PLVAP: variants seen among roughly 807,000 people sequenced by gnomAD.
The protein encoded by PLVAP is plasmalemma vesicle-associated protein.
Under a neutral mutation model 43.1 loss-of-function variants are expected in PLVAP, and 34 were observed. The observed-to-expected ratio is 0.79, with a 90% CI of 0.60 to 1.05. The LOEUF (loss-of-function observed/expected upper bound fraction) is 1.05, where lower values mean the gene tolerates loss of function less well. PLVAP is among the 50% of genes least tolerant of loss of function. The pLI is 0.00. For synonymous variants in PLVAP, 241 were observed against 237.3 expected (o/e 1.02, Z -0.14); for missense variants, 574 against 593.4 (o/e 0.97, Z 0.34).
intron 3 of PLVAP, among the ~76,000 whole-genome samples, chr19:17,363,544 C>T (rs1022585800): frequency 3.7e-5 from 5 of 135,010 alleles, no homozygotes; most frequent in African/African-American, 1.4e-4. Flanking sequence ...TTAACCCCTT[C>T]CCCCCTCCCT....
At position 17,371,357 on chromosome 19, in the gene PLVAP, C is replaced by T. The variant is rs953136414; in HGVS notation, c.370-5162G>A. On this transcript the variant is annotated intron_variant, in intron 1 of 5. Coordinates refer to ENST00000252590, the MANE Select transcript of PLVAP (RefSeq NM_031310.3). ...TTGTATTTTAGTAGAGACGGGGTTGCACCATGTTAGCCAGGTGGTTTCGAA... is the reference window on the plus strand; with the variant it reads ...TTGTATTTTAGTAGAGACGGGGTTGTACCATGTTAGCCAGGTGGTTTCGAA... 2.0e-4 allele frequency among the ~76,000 whole-genome samples: 30 copies of T among 151,802 alleles called. No homozygotes were observed. The East Asian group carries it at 5.9e-3, about 30-fold the overall frequency.
chr19:17,367,549 C>T (rs924816294), intron 1 of PLVAP, among the ~76,000 whole-genome samples: 4 of 152,010 alleles, frequency 2.6e-5, no homozygotes, highest in Non-Finnish European at 2.9e-5. Flanking sequence ...CCACAACACC[C>T]GGCTAATCTT....
chr19:17,363,731 C>T (rs1437105638), intron 3 of PLVAP, among the ~76,000 whole-genome samples: 3 of 138,964 alleles, frequency 2.2e-5, no homozygotes, highest in Admixed American at 7.9e-5. Context: ...TGTGCCACCA[C>T]ACCCGGCTAA....
intron 1 of PLVAP, among the ~76,000 whole-genome samples, chr19:17,371,010 C>T (rs182159492): frequency 0.085 from 12,898 of 151,082 alleles, 665 homozygotes; most frequent in African/African-American, 0.14. Context: ...GAGCTGAGAT[C>T]GCGCCACTGC....
Position 17,366,013 on chromosome 19 carries a change from A to T in PLVAP, c.467-15T>A. The T allele has an allele frequency of 1.2e-6, 2 of 1,611,790 alleles. No homozygotes were observed. The highest frequency in any genetic ancestry group is 1.7e-4 in the Middle Eastern group (1 of 6,050). ...GAAGAGCAAGGCTAAGGAAAACAGG[A>T]CCAGGAGACCCAGGAAGATTGGGGG... is the stretch of plus-strand genomic sequence containing the variant. On this transcript the variant is annotated splice_polypyrimidine_tract_variant and intron_variant, in intron 2 of 5. Coordinates refer to ENST00000252590, the MANE Select transcript of PLVAP (RefSeq NM_031310.3).
At chr19:17,357,596 C>T (rs1446243165) in intron 5 of PLVAP, among the ~76,000 whole-genome samples, 4 of 151,282 alleles carry the variant, frequency 2.6e-5, no homozygotes, top group East Asian at 2.0e-4. Context: ...CCCAGGAGTT[C>T]GAGGCTGCAG....
At chr19:17,367,559 T>C (rs1053562899) in intron 1 of PLVAP, among the ~76,000 whole-genome samples, 4 of 152,008 alleles carry the variant, frequency 2.6e-5, no homozygotes, top group Non-Finnish European at 4.4e-5. Context: ...CGGCTAATCT[T>C]TGCATTTTTA....
chr19:17,357,727 A>G (rs1033802839), intron 5 of PLVAP, among the ~76,000 whole-genome samples: 2 of 152,232 alleles, frequency 1.3e-5, no homozygotes, highest in South Asian at 2.1e-4. Flanking sequence ...CAGTTAACCC[A>G]GAGCAGACAG....
intron 5 of PLVAP, among the ~76,000 whole-genome samples, chr19:17,353,311 G>A (rs764306870): frequency 2.0e-5 from 3 of 152,170 alleles, no homozygotes; most frequent in Non-Finnish European, 4.4e-5. Context: ...CTTGAACTGG[G>A]TCAATGCACA....
intron 5 of PLVAP, among the ~76,000 whole-genome samples, chr19:17,356,066 T>C (rs1599571175): frequency 6.6e-6 from 1 of 151,932 alleles, no homozygotes; most frequent in Non-Finnish European, 1.5e-5. Context: ...CCCAGAACTT[T>C]GGGAGGCCAA....
At chr19:17,369,125 T>C (rs1285499059) in intron 1 of PLVAP, among the ~76,000 whole-genome samples, 2 of 152,002 alleles carry the variant, frequency 1.3e-5, no homozygotes, top group Non-Finnish European at 2.9e-5. Flanking sequence ...TTAATACAAA[T>C]GCTAACACCA....
Position 17,351,781 on chromosome 19 carries a change from A to G in PLVAP, c.*581T>C, listed in dbSNP as rs1427970219. The G allele has an allele frequency of 6.5e-6, 1 of 153,194 alleles. No homozygotes were observed. The highest frequency in any genetic ancestry group is 2.4e-5 in the African/African-American group (1 of 41,434). 9.5% of individuals were successfully genotyped at this position (153,194 alleles called of 1,614,324 possible). On this transcript the variant is annotated 3_prime_UTR_variant, in exon 6 of 6. Transcript: ENST00000252590. ...TGGCCCGTGTGCCAGGGTCGGGGGA[A>G]CGTGACACTAGGTGAGAATTGGGTA...
chr19:17,372,707 C>T (rs1362019348), intron 1 of PLVAP, among the ~76,000 whole-genome samples: 2 of 150,858 alleles, frequency 1.3e-5, no homozygotes, highest in Middle Eastern at 3.4e-3. Context: ...CCACCCACCT[C>T]GGCCTCCCGA....
Position 17,359,710 on chromosome 19 carries a change from T to C in PLVAP, c.1322+818A>G, listed in dbSNP as rs1289504098. On this transcript the variant is annotated intron_variant, in intron 5 of 5. Coordinates refer to ENST00000252590, the MANE Select transcript of PLVAP (RefSeq NM_031310.3). ...CCCGGCCTCTTTTTTTTTTTTTTTT[T>C]CTGACACAGTCTCACTCTGTCGTCC... 5.9e-4 allele frequency among the ~76,000 whole-genome samples: 86 copies of C among 145,802 alleles called. 1 individual carries two copies. Among genetic ancestry groups the C allele is most frequent in the Admixed American group, 2.0e-4 (3 of 14,638 alleles).
chr19:17,361,829 G>T (rs2074529623), intron 3 of PLVAP, among the ~76,000 whole-genome samples: 1 of 152,068 alleles, frequency 6.6e-6, no homozygotes, highest in Non-Finnish European at 1.5e-5. Context: ...CAACACTTTG[G>T]GAAGCCGAGG....
chr19:17,372,680 TCTC>T (rs1410958921), intron 1 of PLVAP, among the ~76,000 whole-genome samples: 2 of 150,510 alleles, frequency 1.3e-5, no homozygotes, highest in African/African-American at 4.8e-5. Flanking sequence ...ATGGTCTCGA[TCTC>T]CTGACCTAGT....
Position 17,372,948 on chromosome 19 carries a change from C to T in PLVAP, c.369+3972G>A, listed in dbSNP as rs142959771. ...GGGCATGTTGGCGGGCACCTGTAGA[C>T]CCAGCTACTCGGGAGGCTAAGGCAG... On this transcript the variant is annotated intron_variant, in intron 1 of 5. Coordinates refer to ENST00000252590, the MANE Select transcript of PLVAP (RefSeq NM_031310.3). Among the ~76,000 whole-genome samples, 656 of 150,480 alleles carry T rather than the reference C, an allele frequency of 4.4e-3. 2 individuals carry two copies. Among genetic ancestry groups the T allele is most frequent in the African/African-American group, 0.014 (589 of 41,216 alleles).
At chr19:17,373,065 CAAAAAAAAAAAAAAAAAA>C (rs59152541) in intron 1 of PLVAP, among the ~76,000 whole-genome samples, 2 of 45,676 alleles carry the variant, frequency 4.4e-5, no homozygotes, top group East Asian at 8.2e-4. Flanking sequence ...GACTCTGTCT[CAAAAAAAAAAAAAAAAAA>C]AAAAAAAAAA....
rs1386352733 is a variant in PLVAP at position 17,356,501 on chromosome 19, G to A, written c.1322+4027C>T. ...TTTAAACTAAACACTATATTAATGA[G>A]AATTTTATTTTTTCTCTCTTAGAGA... On this transcript the variant is annotated intron_variant, in intron 5 of 5. Coordinates refer to ENST00000252590, the MANE Select transcript of PLVAP (RefSeq NM_031310.3). 2.0e-5 allele frequency among the ~76,000 whole-genome samples: 3 copies of A among 151,990 alleles called. No homozygotes were observed. The East Asian group carries it at 5.8e-4, about 29-fold the overall frequency.
Sources: allele counts gnomAD v4.1 joint callset (sites outside exome capture counted in the v4.1 genomes callset), GRCh38; gene constraint gnomAD v4.1.1; transcripts MANE v1.5; gene names NCBI Gene and HGNC (gene_info 2026-07-23, HGNC 2026-07-21).